Variants in ADAMTS14 observed in about 807,000 individuals in gnomAD.
ADAMTS14 encodes the protein ADAM metallopeptidase with thrombospondin type 1 motif 14, also known as A disintegrin and metalloproteinase with thrombospondin motifs 14.
ADAMTS14 carries 100 observed loss-of-function variants against 128.6 expected under a neutral mutation model. That is an observed-to-expected ratio of 0.78 (90% CI 0.66 to 0.92). ADAMTS14 has a LOEUF of 0.92. Among genes scored for constraint, ADAMTS14 ranks in the 40% least tolerant of loss-of-function variants. The probability of loss-of-function intolerance (pLI) is 0.00; values close to 1 mark genes in which losing one functional copy is unlikely to be tolerated. For missense variants in ADAMTS14, 1,562 were observed against 1,658.6 expected (o/e 0.94, Z 1.01); for synonymous variants, 665 against 653.8 (o/e 1.02, Z -0.26).
At chr10:70,701,319 G>A (rs911527866) in intron 2 of ADAMTS14, among the ~76,000 whole-genome samples, 3 of 152,256 alleles carry the variant, frequency 2.0e-5, no homozygotes, top group East Asian at 1.9e-4. Flanking sequence ...TCACTGCTTC[G>A]TGTTCACAGC....
At chr10:70,717,667 G>A (rs915296202) in intron 4 of ADAMTS14, among the ~76,000 whole-genome samples, 19 of 152,154 alleles carry the variant, frequency 1.2e-4, no homozygotes, top group African/African-American at 4.3e-4. Flanking sequence ...ACCTCCTAGG[G>A]CCTGGAACTG....
intron 2 of ADAMTS14, among the ~76,000 whole-genome samples, chr10:70,700,128 T>C (rs1840450725): frequency 1.3e-5 from 2 of 152,062 alleles, no homozygotes; most frequent in South Asian, 2.1e-4. Context: ...GTCCCGGGCC[T>C]GGAGCCACCA....
chr10:70,750,908 A>G (rs1315434799), intron 16 of ADAMTS14, among the ~76,000 whole-genome samples: 1 of 152,220 alleles, frequency 6.6e-6, no homozygotes, highest in Non-Finnish European at 1.5e-5. Context: ...AGAAAAGAAC[A>G]GAGGGGCAAA....
rs1474077617 is a variant in ADAMTS14, at chr10:70,672,822, T to G, written c.20T>G (p.Leu7Arg). ...GGCCACATGGCTCCACTCCGCGCGCTGCTGTCCTACCTGCTGCCTTTGCAC... is the reference window on the plus strand; with the variant it reads ...GGCCACATGGCTCCACTCCGCGCGCGGCTGTCCTACCTGCTGCCTTTGCAC... MAPLRA[L>R]LSYLLPLHCA... Residue 7 changes from leucine to arginine, a missense_variant, in exon 1 of 22, where the codon CTG (leucine) becomes CGG (arginine). Coordinates refer to ENST00000373207, the MANE Select transcript of ADAMTS14 (RefSeq NM_080722.4). The G allele has an allele frequency of 1.3e-6, 2 of 1,514,704 alleles. No individual in the cohort carries two copies. The highest frequency in any genetic ancestry group is 8.8e-7 in the Non-Finnish European group (1 of 1,135,620). The allele number at this position is 1,514,704 out of a possible 1,614,324, so 93.8% of individuals were successfully genotyped here.
chr10:70,731,064 CCACACACACA>C (rs56903140), intron 6 of ADAMTS14, among the ~76,000 whole-genome samples: 2 of 145,774 alleles, frequency 1.4e-5, no homozygotes, highest in African/African-American at 2.5e-5. Context: ...GTTTTACACA[CCACACACACA>C]CACACACACA....
At chr10:70,689,421 G>T (rs1840118179) in intron 2 of ADAMTS14, among the ~76,000 whole-genome samples, 1 of 145,016 alleles carries the variant, frequency 6.9e-6, no homozygotes, top group Non-Finnish European at 1.6e-5. Flanking sequence ...AGAGCACAAA[G>T]GAGGGAGCAG....
In ADAMTS14 at chr10:70,740,017, C is replaced by T. The variant is rs370925362; in HGVS notation, c.1749-970C>T. Among the ~76,000 whole-genome samples the T allele has an allele frequency of 3.5e-4, 54 of 152,246 alleles. 1 individual carries two copies. In the South Asian group the frequency reaches 8.5e-3, roughly 24 times the overall value. On this transcript the variant is annotated intron_variant, in intron 11 of 21. Transcript: ENST00000373207. ...GAGTAAATCACCTTGCAGGCATGAC[C>T]GACAATTATCCCTTGGTATAATTGG... is the stretch of plus-strand genomic sequence containing the variant.
At chr10:70,724,172 T>G (rs1564539185) in intron 4 of ADAMTS14, among the ~76,000 whole-genome samples, 3 of 152,128 alleles carry the variant, frequency 2.0e-5, no homozygotes, top group Non-Finnish European at 4.4e-5. Flanking sequence ...GGTCAGAGAG[T>G]GTCCTGACTT....
At chr10:70,717,712 C>T (rs1265527937) in intron 4 of ADAMTS14, among the ~76,000 whole-genome samples, 1 of 152,130 alleles carries the variant, frequency 6.6e-6, no homozygotes, top group African/African-American at 2.4e-5. Flanking sequence ...GACAGAGAGG[C>T]CCTTTCATCA....
At chr10:70,714,878 G>A (rs1295507513) in intron 4 of ADAMTS14, among the ~76,000 whole-genome samples, 10 of 150,774 alleles carry the variant, frequency 6.6e-5, no homozygotes, top group Admixed American at 2.0e-4. Context: ...CCTGGGAGGC[G>A]GAGGTTGCAG....
At chr10:70,681,871 G>A (rs1217289720) in intron 2 of ADAMTS14, among the ~76,000 whole-genome samples, 1 of 152,214 alleles carries the variant, frequency 6.6e-6, no homozygotes, top group African/African-American at 2.4e-5. Context: ...GGGGGCACCA[G>A]AGCCCTGTGT....
At chr10:70,696,990 C>A (rs928431020) in intron 2 of ADAMTS14, among the ~76,000 whole-genome samples, 2 of 152,086 alleles carry the variant, frequency 1.3e-5, no homozygotes, top group Non-Finnish European at 2.9e-5. Context: ...CAGTTTCAAG[C>A]TGGGTTTGAT....
chr10:70,714,946 C>CAAA (rs58012076), intron 4 of ADAMTS14, among the ~76,000 whole-genome samples: 13 of 63,040 alleles, frequency 2.1e-4, no homozygotes, highest in African/African-American at 6.8e-4. Context: ...ACTGCAGTCT[C>CAAA]AAAAAAAAAA....
intron 2 of ADAMTS14, among the ~76,000 whole-genome samples, chr10:70,687,241 C>G (rs1839998575): frequency 9.4e-6 from 1 of 106,538 alleles, no homozygotes; most frequent in Non-Finnish European, 2.1e-5. Flanking sequence ...GGGGGGCTGA[C>G]CCCCCCACCT....
intron 19 of ADAMTS14, among the ~76,000 whole-genome samples, chr10:70,754,502 G>A (rs114233474): frequency 2.7e-3 from 410 of 152,252 alleles, no homozygotes; most frequent in African/African-American, 9.5e-3. Context: ...GATGGAGGGC[G>A]GTCAGAGGGC....
chr10:70,753,789 CCT>C lies in ADAMTS14; in HGVS notation c.2730-10_2730-9del. The C allele has an allele frequency of 6.4e-7, 1 of 1,557,700 alleles. No individual in the cohort carries two copies. Among genetic ancestry groups the C allele is most frequent in the Non-Finnish European group, 8.7e-7 (1 of 1,148,896 alleles). The stretch of plus-strand genomic sequence containing the variant: ...TTGGTCTCACCTCCTCTCCTTTCAC[CCT>C]GTTTCCAGGTGGGTGACGGAGGAGT... On this transcript the variant is annotated splice_polypyrimidine_tract_variant and intron_variant, in intron 18 of 21. Coordinates refer to ENST00000373207, the MANE Select transcript of ADAMTS14 (RefSeq NM_080722.4).
chr10:70,700,423 T>G (rs556548369), intron 2 of ADAMTS14, among the ~76,000 whole-genome samples: 1 of 152,176 alleles, frequency 6.6e-6, no homozygotes, highest in Non-Finnish European at 1.5e-5. Context: ...CTGGGTGACC[T>G]TGTGACTCTG....
rs756589684 is a variant in ADAMTS14, at chr10:70,743,651, A to T, written c.2028A>T (p.Pro676=). The change falls in exon 13 of 22, where the codon CCA becomes CCT. Residue 676 remains proline, a synonymous_variant. Coordinates refer to ENST00000373207, the MANE Select transcript of ADAMTS14 (RefSeq NM_080722.4). ...HDGTRCSYRD[P]YSVCARGECV... ...GGACACGCTGCAGCTACCGGGACCC[A>T]TACAGCGTCTGTGCGCGTGGCGAGT... The T allele has an allele frequency of 3.1e-6, 5 of 1,608,518 alleles. No individual in the cohort carries two copies. The highest frequency in any genetic ancestry group is 4.2e-6 in the Non-Finnish European group (5 of 1,177,694).
intron 3 of ADAMTS14, among the ~76,000 whole-genome samples, chr10:70,704,692 C>T (rs1366913130): frequency 6.9e-6 from 1 of 145,848 alleles, no homozygotes; most frequent in African/African-American, 2.5e-5. Flanking sequence ...CAAACACACA[C>T]CCCCTACACC....
Sources: gnomAD v4.1 joint callset for allele counts (sites outside exome capture counted in the v4.1 genomes callset) on GRCh38, gnomAD v4.1.1 for gene constraint, MANE v1.5 for transcripts, NCBI Gene and HGNC (gene_info 2026-07-23, HGNC 2026-07-21) for gene names.